DYNLT2B: variants seen among roughly 807,000 people sequenced by gnomAD.
The protein encoded by DYNLT2B is dynein light chain Tctex-type 2B, also known as dynein light chain Tctex-type protein 2B.
A neutral mutation model predicts 19.5 loss-of-function variants in DYNLT2B; 14 were observed. The observed-to-expected ratio is 0.72, with a 90% CI of 0.47 to 1.12. The LOEUF is 1.12. Ranked by LOEUF, DYNLT2B falls within the 50% of genes most tolerant of loss-of-function variation. DYNLT2B has a pLI of 0.00. For missense variants in DYNLT2B, 133 were observed against 174.7 expected (o/e 0.76, Z 1.35); for synonymous variants, 70 against 59.7 (o/e 1.17, Z -0.79).
intron 1 of DYNLT2B, 134 bp from the exon 2 acceptor site, chr3:196,316,365 TAAA>T: frequency 1.0e-6 from 1 of 968,916 alleles, no homozygotes; most frequent in African/African-American, 1.7e-5. Flanking sequence ...TTATAAAATA[TAAA>T]CAAATTAAGA....
At chr3:196,317,012 AT>A (rs1415954699) in intron 1 of DYNLT2B, among the ~76,000 whole-genome samples, 2 of 78,500 alleles carry the variant, frequency 2.5e-5, no homozygotes, top group African/African-American at 1.0e-4. Context: ...TGAGCCTGAC[AT>A]TTTTTTCAGT....
At position 196,316,283 on chromosome 3, in the gene DYNLT2B, T is replaced by C. The variant is rs1401648792; in HGVS notation, c.114-52A>G. 8 of 1,537,610 alleles carry C rather than the reference T, an allele frequency of 5.2e-6. No individual in the cohort carries two copies. The African/African-American group carries it at 8.3e-5, about 16-fold the overall frequency. The stretch of plus-strand genomic sequence containing the variant: ...AGTCGGTGACTCCACAACCCCAGCT[T>C]ACCTTCATACCGCAACTTCTCCCAT... On this transcript the variant is annotated intron_variant, in intron 1 of 4. Transcript: ENST00000325318.
chr3:196,306,176 C>T (rs1201380169), intron 3 of DYNLT2B, among the ~76,000 whole-genome samples: 1 of 151,246 alleles, frequency 6.6e-6, no homozygotes, highest in African/African-American at 2.4e-5. Context: ...CTTTAGGAGG[C>T]CAAGGCTGGT....
intron 4 of DYNLT2B, among the ~76,000 whole-genome samples, chr3:196,291,900 G>C (rs760824678): frequency 3.9e-5 from 6 of 152,156 alleles, no homozygotes; most frequent in Non-Finnish European, 7.3e-5. Context: ...GTTAGGATGG[G>C]TAAAGAATTA....
chr3:196,314,324 G>A (rs552331455), intron 2 of DYNLT2B, among the ~76,000 whole-genome samples: 18 of 151,846 alleles, frequency 1.2e-4, no homozygotes, highest in Admixed American at 9.9e-4. Context: ...TTAGCCACGT[G>A]TGGTGGCGCA....
chr3:196,317,965 C>T, intron 1 of DYNLT2B, 75 bp downstream of exon 1: 1 of 887,740 alleles, frequency 1.1e-6, no homozygotes, highest in Non-Finnish European at 1.5e-6. Context: ...CTTCCGTGGC[C>T]CAGGTCCCAG....
At chr3:196,317,060 GTGGTGTGTGTGTGT>G (rs1396481893) in intron 1 of DYNLT2B, among the ~76,000 whole-genome samples, 1 of 85,724 alleles carries the variant, frequency 1.2e-5, no homozygotes, top group Non-Finnish European at 2.2e-5. Flanking sequence ...TGGTGTGTGT[GTGGTGTGTGTGTGT>G]GTGTGTGTGT....
chr3:196,293,052 C>T (rs1054359792), intron 4 of DYNLT2B, among the ~76,000 whole-genome samples: 1 of 152,152 alleles, frequency 6.6e-6, no homozygotes, highest in African/African-American at 2.4e-5. Flanking sequence ...TGGGGTTTCA[C>T]CATGTTGGCC....
At chr3:196,297,744 A>G (rs1375892532) in intron 3 of DYNLT2B, among the ~76,000 whole-genome samples, 1 of 152,194 alleles carries the variant, frequency 6.6e-6, no homozygotes, top group African/African-American at 2.4e-5. Flanking sequence ...GATTAGAGAA[A>G]TTAAGTGTAC....
rs890733760 is a variant in DYNLT2B at position 196,307,085 on chromosome 3, G to C, written c.248-73C>G. 4.5e-6 allele frequency: 6 copies of C among 1,320,784 alleles called. No homozygotes were observed. The African/African-American group carries it at 7.3e-5, about 16-fold the overall frequency. 81.8% of individuals were successfully genotyped at this position (1,320,784 alleles called of 1,614,324 possible). A position where few individuals can be genotyped will look rare whatever the true frequency, so the allele number is the denominator to read the frequency against. On this transcript the variant is annotated intron_variant, in intron 2 of 4. Transcript: ENST00000325318. The stretch of plus-strand genomic sequence containing the variant: ...TACTTATTGAAGACAAATTTGCCCA[G>C]AAATGGACATAAACATTCAATCCAC...
chr3:196,292,377 G>A (rs1339708415), intron 4 of DYNLT2B: 2 of 152,186 alleles, frequency 1.3e-5, no homozygotes, highest in African/African-American at 4.8e-5. Flanking sequence ...CTTTGGTTTA[G>A]CCCAGCTCCC....
intron 3 of DYNLT2B, among the ~76,000 whole-genome samples, chr3:196,302,129 T>G (rs2108792867): frequency 6.6e-6 from 1 of 151,736 alleles, no homozygotes; most frequent in South Asian, 2.1e-4. Context: ...ATATATAAAC[T>G]GAAGCACAGA....
chr3:196,298,765 A>G (rs1334506116), intron 3 of DYNLT2B, among the ~76,000 whole-genome samples: 1 of 152,208 alleles, frequency 6.6e-6, no homozygotes, highest in Non-Finnish European at 1.5e-5. Flanking sequence ...GATATTCCGC[A>G]GCAGATTTTT....
At chr3:196,295,490 T>C (rs1462314487) in intron 4 of DYNLT2B, among the ~76,000 whole-genome samples, 1 of 151,902 alleles carries the variant, frequency 6.6e-6, no homozygotes, top group Non-Finnish European at 1.5e-5. Context: ...TTCCTCTTTA[T>C]TTTTGCTTAA....
chr3:196,312,908 T>C (rs1394864226), intron 2 of DYNLT2B, among the ~76,000 whole-genome samples: 1 of 152,136 alleles, frequency 6.6e-6, no homozygotes, highest in Non-Finnish European at 1.5e-5. Context: ...TCCCAGCTAA[T>C]TGAGAGGCTG....
intron 1 of DYNLT2B, among the ~76,000 whole-genome samples, chr3:196,316,908 T>TGTGTGTGG (rs1417510774): frequency 2.2e-5 from 1 of 44,540 alleles, no homozygotes; most frequent in African/African-American, 6.3e-5. Flanking sequence ...TGTGTGTGTG[T>TGTGTGTGG]TGTGTGGTGT....
intron 1 of DYNLT2B, among the ~76,000 whole-genome samples, chr3:196,317,214 C>G (rs1167510267): frequency 8.7e-6 from 1 of 114,514 alleles, no homozygotes; most frequent in African/African-American, 3.4e-5. Flanking sequence ...AGTGATCTTA[C>G]AAACCTAGCT....
chr3:196,312,799 C>CA (rs1171464709), intron 2 of DYNLT2B, among the ~76,000 whole-genome samples: 1 of 152,086 alleles, frequency 6.6e-6, no homozygotes, highest in Non-Finnish European at 1.5e-5. Flanking sequence ...CAGGCATTCT[C>CA]AAACACAAAA....
At chr3:196,296,356 G>A (rs1726222709) in intron 3 of DYNLT2B, 3 of 265,560 alleles carry the variant, frequency 1.1e-5, no homozygotes, top group Non-Finnish European at 1.4e-5. Context: ...AGAGATTTGT[G>A]TGTGACTTTT....
Sources: allele counts gnomAD v4.1 joint callset (sites outside exome capture counted in the v4.1 genomes callset), GRCh38; gene constraint gnomAD v4.1.1; transcripts MANE v1.5; gene names NCBI Gene and HGNC (gene_info 2026-07-23, HGNC 2026-07-21).